The following SUPT20H variants were observed in gnomAD, a reference collection of about 807,000 sequenced individuals.
The protein encoded by SUPT20H is transcription factor SPT20 homolog.
In SUPT20H, 82 loss-of-function variants were observed where a neutral mutation model predicts 122.8. The observed-to-expected ratio is 0.67, with a 90% CI of 0.56 to 0.80. The LOEUF (loss-of-function observed/expected upper bound fraction) is 0.80, where lower values mean the gene tolerates loss of function less well. SUPT20H is among the 30% of genes least tolerant of loss of function. The pLI, the probability that SUPT20H is intolerant of heterozygous loss-of-function variation, is 0.00. For synonymous variants in SUPT20H, 291 were observed against 313.0 expected, an observed-to-expected ratio of 0.93 and a Z score of 0.74; for missense variants, 831 against 921.6, an observed-to-expected ratio of 0.90 and a Z score of 1.27.
Position 37,022,512 on chromosome 13 carries a change from A to G in SUPT20H, c.1592-432T>C, listed in dbSNP as rs2061577491. 1 of 1,239,598 alleles carries G rather than the reference A, an allele frequency of 8.1e-7. No homozygotes were observed. The highest frequency in any genetic ancestry group is 1.0e-6 in the Non-Finnish European group (1 of 992,504). 76.8% of individuals were successfully genotyped at this position (1,239,598 alleles called of 1,614,324 possible). On this transcript the variant is annotated intron_variant, in intron 19 of 25. Transcript: ENST00000350612. The surrounding 1 kb of genome is among the most constrained non-coding windows in gnomAD (Gnocchi z 4.5). ...TCAATTACAATTAAGGATGCAGTAT[A>G]TCACCTAAAAATCCCATTAAAGATG...
chr13:37,023,583 T>C (rs1246072852), intron 19 of SUPT20H: 1 of 152,902 alleles, frequency 6.5e-6, no homozygotes, highest in Admixed American at 6.5e-5. Flanking sequence ...TTCAGTTTAT[T>C]GTATCACCAC....
rs397725318 is a variant in SUPT20H at position 37,051,634 on chromosome 13, GA to G, written c.-93-52del. ...CAATATTAACATAAGGCTATTAAGA[GA>G]AAAAAAAAGAGATTACATATTTCAT... On this transcript the variant is annotated intron_variant, in intron 1 of 25. Coordinates refer to ENST00000350612, the MANE Select transcript of SUPT20H (RefSeq NM_001014286.3). 6.6e-5 allele frequency: 25 copies of G among 375,968 alleles called. No homozygotes were observed. The African/African-American group carries it at 9.3e-4, about 14-fold the overall frequency. The allele number at this position is 375,968 out of a possible 1,614,324, so 23.3% of individuals were successfully genotyped here. A position where few individuals can be genotyped will look rare whatever the true frequency, so the allele number is the denominator to read the frequency against.
At chr13:37,035,594 C>A (rs2064212468) in intron 9 of SUPT20H, among the ~76,000 whole-genome samples, 1 of 151,562 alleles carries the variant, frequency 6.6e-6, no homozygotes, top group Non-Finnish European at 1.5e-5. Flanking sequence ...GATCCAGGCT[C>A]ACTGCAACCT....
At chr13:37,043,383 AG>A (rs2065848642) in intron 7 of SUPT20H, among the ~76,000 whole-genome samples, 1 of 152,052 alleles carries the variant, frequency 6.6e-6, no homozygotes, top group African/African-American at 2.4e-5. Flanking sequence ...GAACAGGGCA[AG>A]GGAGTGCTTA....
chr13:37,012,387 G>A (rs1298216190), intron 23 of SUPT20H, 90 bp from the exon 24 acceptor site: 2 of 1,003,452 alleles, frequency 2.0e-6, no homozygotes, highest in East Asian at 2.4e-5. Context: ...CTATATGAAA[G>A]AAAGCAGTAT....
intron 9 of SUPT20H, 73 bp downstream of exon 9, chr13:37,040,332 C>T: frequency 7.1e-6 from 9 of 1,272,880 alleles, no homozygotes; most frequent in Non-Finnish European, 2.2e-6. Context: ...AGCAGAAAAT[C>T]ACTTTTGCTT....
intron 1 of SUPT20H, among the ~76,000 whole-genome samples, chr13:37,053,335 A>G (rs911503993): frequency 6.6e-6 from 1 of 150,840 alleles, no homozygotes; most frequent in African/African-American, 2.5e-5. Flanking sequence ...ATGGAATACT[A>G]TGCAGCCATA....
At position 37,010,597 on chromosome 13, in the gene SUPT20H, T is replaced by A; in HGVS notation, c.2157A>T (p.Arg719Ser). ...NRPEQSLPQQ[R>S]FQLSSAFQQQ... is the part of the protein sequence containing the mutation. ...GTTGAAAGGCAGAGGAGAGCTGGAATCTCTGCTGAGGAAGGCTTTGCTCAG... is the reference window on the plus strand; with the variant it reads ...GTTGAAAGGCAGAGGAGAGCTGGAAACTCTGCTGAGGAAGGCTTTGCTCAG... Residue 719 changes from arginine (R) to serine (S), a missense_variant, in exon 25 of 26, where the codon AGA (arginine) becomes AGT (serine). Arg to Ser is a moderately radical substitution (Grantham distance 110). Transcript: ENST00000350612. 1.2e-6 allele frequency: 2 copies of A among 1,613,878 alleles called. No homozygotes were observed. The highest frequency in any genetic ancestry group is 1.7e-6 in the Non-Finnish European group (2 of 1,179,904).
At chr13:37,049,765 T>C (rs1242260449) in intron 2 of SUPT20H, among the ~76,000 whole-genome samples, 1 of 152,040 alleles carries the variant, frequency 6.6e-6, no homozygotes, top group African/African-American at 2.4e-5. Context: ...AACAAACAAA[T>C]AAAACAAAAC....
chr13:37,039,502 C>T (rs1322023606), intron 9 of SUPT20H: 1 of 152,104 alleles, frequency 6.6e-6, no homozygotes, highest in African/African-American at 2.4e-5. Context: ...TGATAACGTG[C>T]TTATTATGAG....
intron 22 of SUPT20H, 72 bp downstream of exon 22, chr13:37,019,270 T>C (rs2061072206): frequency 8.7e-7 from 1 of 1,147,012 alleles, no homozygotes; most frequent in Non-Finnish European, 1.3e-6. Context: ...TGCTGATACA[T>C]ATAGATATAC....
chr13:37,032,484 G>C (rs1333331635), intron 10 of SUPT20H, among the ~76,000 whole-genome samples: 3 of 152,160 alleles, frequency 2.0e-5, no homozygotes, highest in Non-Finnish European at 4.4e-5. Context: ...CCCAAACTTG[G>C]AGAAACCAAT....
At chr13:37,021,751 A>G (rs906560122) in intron 20 of SUPT20H, 149 bp from the exon 21 acceptor site, 1 of 1,103,616 alleles carries the variant, frequency 9.1e-7, no homozygotes, top group Non-Finnish European at 1.2e-6. Flanking sequence ...GCAGAAGATA[A>G]ATAGGAAATT....
intron 1 of SUPT20H, among the ~76,000 whole-genome samples, chr13:37,051,918 T>C (rs1032563353): frequency 2.0e-5 from 3 of 152,218 alleles, no homozygotes; most frequent in African/African-American, 2.4e-5. Flanking sequence ...ATTCTCATTT[T>C]TCCTTTGAAT....
intron 25 of SUPT20H, 149 bp downstream of exon 25, chr13:37,010,403 A>C: frequency 2.9e-6 from 2 of 681,574 alleles, no homozygotes; most frequent in Non-Finnish European, 4.9e-6. Context: ...TGACTGGCTA[A>C]AATGTCAGAC....
At chr13:37,030,526 A>T (rs1390356935) in intron 12 of SUPT20H, among the ~76,000 whole-genome samples, 1 of 152,138 alleles carries the variant, frequency 6.6e-6, no homozygotes, top group Non-Finnish European at 1.5e-5. Flanking sequence ...ATCCTAGGTG[A>T]TTCTTCTGAT....
rs556874917 is a variant in SUPT20H, at chr13:37,026,378, T to A, written c.1179-142A>T. 1.7e-4 allele frequency: 90 copies of A among 519,836 alleles called. 2 individuals carry two copies. The highest frequency in any genetic ancestry group is 1.1e-3 in the East Asian group (32 of 28,462). The allele number at this position is 519,836 out of a possible 1,614,324, so 32.2% of individuals were successfully genotyped here. A position where few individuals can be genotyped will look rare whatever the true frequency, so the allele number is the denominator to read the frequency against. On this transcript the variant is annotated intron_variant, in intron 15 of 25. Transcript: ENST00000350612. ...TAAATCTACCAAGATATGAAAAAAA[T>A]TTTTTTAATGCATTTAAACATATGA...
rs1483853749 is a variant in SUPT20H, at chr13:37,026,814, G to A, written c.1154C>T (p.Ser385Leu). The stretch of plus-strand genomic sequence containing the variant: ...CCAATTTGAATGATCATCTGTGGAC[G>A]AGCTGAAATATAAAATGTAAAAAAA... ...ESDSQMSPSH[S>L]STDDHSNWFI... The change falls in exon 15 of 26, where the codon TCG (serine) becomes TTG (leucine). Residue 385 changes from serine to leucine, a missense_variant and splice_region_variant. By Grantham distance (145) the Ser-to-Leu change is moderately radical. Coordinates refer to ENST00000350612, the MANE Select transcript of SUPT20H (RefSeq NM_001014286.3). The A allele has an allele frequency of 7.7e-6, 11 of 1,427,990 alleles. No homozygotes were observed. Among genetic ancestry groups the A allele is most frequent in the South Asian group, 4.5e-5 (3 of 67,070 alleles). 88.5% of individuals were successfully genotyped at this position (1,427,990 alleles called of 1,614,324 possible). A position where few individuals can be genotyped will look rare whatever the true frequency, so the allele number is the denominator to read the frequency against.
At position 37,029,829 on chromosome 13, in the gene SUPT20H, T is replaced by G. The variant is rs749899276; in HGVS notation, c.929A>C (p.Lys310Thr). ...GATAGACTTTTCCACTTTAGCATAT[T>G]TCTCCACCTAAACAATCAAATCAAG... ...LAIPSEVDVEKYAKVEKSIKS... is the reference protein window; with the variant it reads ...LAIPSEVDVETYAKVEKSIKS... The change falls in exon 13 of 26, where the codon AAA (lysine) becomes ACA (threonine). Residue 310 changes from lysine (K) to threonine (T), a missense_variant. Coordinates refer to ENST00000350612, the MANE Select transcript of SUPT20H (RefSeq NM_001014286.3). 1.9e-6 allele frequency: 3 copies of G among 1,595,714 alleles called. No homozygotes were observed. The highest frequency in any genetic ancestry group is 2.6e-6 in the Non-Finnish European group (3 of 1,172,112).
Sources: gnomAD v4.1 joint callset for allele counts (sites outside exome capture counted in the v4.1 genomes callset) on GRCh38, gnomAD v4.1.1 for gene constraint, Gnocchi (gnomAD v3.1) non-coding constraint, MANE v1.5 for transcripts, NCBI Gene and HGNC (gene_info 2026-07-23, HGNC 2026-07-21) for gene names.